The following ALAS1 variants were observed in gnomAD, a reference collection of about 807,000 sequenced individuals.
ALAS1 encodes the protein 5'-aminolevulinate synthase 1.
Under a neutral mutation model 59.6 loss-of-function variants are expected in ALAS1, and 29 were observed. The ratio of observed to expected loss-of-function variants is 0.49; its 90% CI spans 0.36 to 0.66. The LOEUF (loss-of-function observed/expected upper bound fraction) is 0.66, where lower values mean the gene tolerates loss of function less well. ALAS1 is among the 30% of genes least tolerant of loss of function. The pLI, the probability that ALAS1 is intolerant of heterozygous loss-of-function variation, is 0.00. For missense variants in ALAS1, 690 were observed against 807.5 expected (o/e 0.85, Z 1.76); for synonymous variants, 299 against 296.6 (o/e 1.01, Z -0.08).
intron 8 of ALAS1, among the ~76,000 whole-genome samples, chr3:52,207,694 C>G (rs746246831): frequency 1.3e-5 from 2 of 152,086 alleles, no homozygotes; most frequent in African/African-American, 4.8e-5. Flanking sequence ...TCCATGTGTT[C>G]TCAGTGTTTA....
At chr3:52,201,722 C>T (rs1699189329) in intron 3 of ALAS1, among the ~76,000 whole-genome samples, 1 of 152,154 alleles carries the variant, frequency 6.6e-6, no homozygotes, top group Admixed American at 6.5e-5. Context: ...GCACCATGCA[C>T]TCTAGCCTGG....
intron 3 of ALAS1, among the ~76,000 whole-genome samples, chr3:52,200,479 T>A (rs1699165311): frequency 6.6e-6 from 1 of 152,262 alleles, no homozygotes; most frequent in Admixed American, 6.5e-5. Flanking sequence ...GGCTCACTCC[T>A]GTAATCCCAG....
At chr3:52,198,108 A>C, upstream of ALAS1, 1 of 397,824 alleles carries the variant, frequency 2.5e-6, no homozygotes, top group Middle Eastern at 6.3e-4. Context: ...CCCAAGGCGC[A>C]TGCGCAGCGG....
At chr3:52,201,348 A>G (rs1699182524) in intron 3 of ALAS1, among the ~76,000 whole-genome samples, 1 of 152,202 alleles carries the variant, frequency 6.6e-6, no homozygotes, top group South Asian at 2.1e-4. Flanking sequence ...TTCTTACTTT[A>G]TTAGCAATCT....
At chr3:52,199,089 A>T in intron 2 of ALAS1, 121 bp from the exon 3 acceptor site, 1 of 1,085,156 alleles carries the variant, frequency 9.2e-7, no homozygotes, top group Non-Finnish European at 1.3e-6. Context: ...GGCATTTTTG[A>T]GGGAGAAGTG....
At chr3:52,208,046 CA>C in intron 8 of ALAS1, 36 bp from the exon 9 acceptor site, 1 of 1,479,252 alleles carries the variant, frequency 6.8e-7, no homozygotes, top group Non-Finnish European at 9.0e-7. Context: ...TCTGAAGCGG[CA>C]AAAGCTCTTC....
intron 11 of ALAS1, 42 bp from the exon 12 acceptor site, chr3:52,213,978 G>T (rs1050887202): frequency 1.9e-6 from 3 of 1,551,582 alleles, no homozygotes; most frequent in Non-Finnish European, 2.7e-6. Flanking sequence ...TTTCTCTTGT[G>T]TATATTACTC....
intron 9 of ALAS1, among the ~76,000 whole-genome samples, 161 bp from the exon 10 acceptor site, chr3:52,211,122 G>A (rs1204690999): frequency 1.3e-5 from 2 of 152,196 alleles, no homozygotes; most frequent in African/African-American, 4.8e-5. Context: ...GTCATTGACT[G>A]AGACATCATT....
intron 11 of ALAS1, 48 bp from the exon 12 acceptor site, chr3:52,213,972 T>G: frequency 6.5e-7 from 1 of 1,532,890 alleles, no homozygotes; most frequent in East Asian, 2.3e-5. Context: ...TTTTCATTTC[T>G]CTTGTGTATA....
At chr3:52,204,946 G>A in intron 6 of ALAS1, 31 bp downstream of exon 6, 2 of 1,569,464 alleles carry the variant, frequency 1.3e-6, no homozygotes, top group Non-Finnish European at 1.8e-6. Flanking sequence ...AAATATTACT[G>A]TTGTTATTTG....
At chr3:52,204,994 TG>T in intron 6 of ALAS1, 79 bp downstream of exon 6, 1 of 1,231,120 alleles carries the variant, frequency 8.1e-7, no homozygotes, top group Non-Finnish European at 1.2e-6. Flanking sequence ...GGATCTTTTA[TG>T]GAGGGAACAT....
At chr3:52,198,104 G>A (rs999571270), upstream of ALAS1, 1 of 397,896 alleles carries the variant, frequency 2.5e-6, no homozygotes, top group Non-Finnish European at 4.4e-6. Context: ...AGCGCCCAAG[G>A]CGCATGCGCA....
chr3:52,201,952 C>T (rs966145868), intron 3 of ALAS1, among the ~76,000 whole-genome samples: 4 of 152,084 alleles, frequency 2.6e-5, no homozygotes, highest in African/African-American at 9.7e-5. Context: ...ACGAGAAATA[C>T]TGTGGGTTTA....
Position 52,199,350 on chromosome 3 carries a change from A to G in ALAS1, c.109A>G (p.Met37Val), listed in dbSNP as rs749512727. Residue 37 changes from methionine (M) to valine (V), a missense_variant, in exon 3 of 12, where the codon ATG (methionine) becomes GTG (valine). Physicochemically the swap from Met to Val is conservative, Grantham distance 21 (BLOSUM62 1). Coordinates refer to ENST00000484952, the MANE Select transcript of ALAS1 (RefSeq NM_000688.6). Reference protein sequence around the residue: ...LFYAQNCPKMMEVGAKPAPRA... With the variant: ...LFYAQNCPKMVEVGAKPAPRA... ...CTATGCCCAAAACTGCCCCAAGATG[A>G]TGGAAGTTGGGGCCAAGCCAGCCCC... The G allele has an allele frequency of 2.5e-6, 4 of 1,614,050 alleles. No homozygotes were observed. The highest frequency in any genetic ancestry group is 3.4e-6 in the Non-Finnish European group (4 of 1,180,028).
Position 52,208,149 on chromosome 3 carries a change from A to C in ALAS1, c.1232A>C (p.Asp411Ala). 1 of 1,612,446 alleles carries C rather than the reference A, an allele frequency of 6.2e-7. No homozygotes were observed. Among genetic ancestry groups the C allele is most frequent in the Non-Finnish European group, 8.5e-7 (1 of 1,179,090 alleles). The change falls in exon 9 of 12, where the codon GAT becomes GCT. Residue 411 changes from aspartate (D) to alanine (A), a missense_variant. Asp to Ala is a moderately radical substitution (Grantham distance 126). Coordinates refer to ENST00000484952, the MANE Select transcript of ALAS1 (RefSeq NM_000688.6). The part of the protein sequence containing the change: ...AHEFGAITFV[D>A]EVHAVGLYGA... Reference sequence around the variant, plus strand: ...GAGTTTGGAGCAATCACCTTCGTGGATGAGGTCCACGCAGTGGGGCTTTAT... The same window carrying C: ...GAGTTTGGAGCAATCACCTTCGTGGCTGAGGTCCACGCAGTGGGGCTTTAT...
rs768548856 is a variant in ALAS1 at position 52,212,365 on chromosome 3, C to T, written c.1707C>T (p.Leu569=). ...NYPTVPRGEE[L]LRIAPTPHHT... is the part of the protein sequence containing the mutation. ...CTACGGTGCCCCGGGGAGAAGAGCT[C>T]CTACGGATTGCCCCCACCCCTCACC... is the stretch of plus-strand genomic sequence containing the variant. The change falls in exon 11 of 12, where the codon CTC becomes CTT. Residue 569 remains leucine, a synonymous_variant. Transcript: ENST00000484952. The T allele has an allele frequency of 2.5e-6, 4 of 1,614,018 alleles. No homozygotes were observed. Among genetic ancestry groups the T allele is most frequent in the Non-Finnish European group, 3.4e-6 (4 of 1,180,046 alleles).
rs202007599 is a variant in ALAS1 at position 52,199,374 on chromosome 3, C to A, written c.133C>A (p.Pro45Thr). ...GATGGAAGTTGGGGCCAAGCCAGCC[C>A]CTCGGGCATTGTCCACTGCAGCAGT... ...KMMEVGAKPA[P>T]RALSTAAVHY... is the part of the protein sequence containing the mutation. The change falls in exon 3 of 12, where the codon CCT (proline) becomes ACT (threonine). Residue 45 changes from proline (P) to threonine (T), a missense_variant. By Grantham distance (38) the Pro-to-Thr change is conservative. Transcript: ENST00000484952. 177 of 1,614,196 alleles carry A rather than the reference C, an allele frequency of 1.1e-4. No individual in the cohort carries two copies. Among genetic ancestry groups the A allele is most frequent in the Middle Eastern group, 6.6e-4 (4 of 6,062 alleles).
chr3:52,212,711 A>G (rs1699437541), intron 11 of ALAS1, among the ~76,000 whole-genome samples: 1 of 151,908 alleles, frequency 6.6e-6, no homozygotes, highest in South Asian at 2.1e-4. Context: ...TTGTATTTTT[A>G]GTAGAGATGG....
intron 9 of ALAS1, among the ~76,000 whole-genome samples, chr3:52,210,929 G>A (rs570742547): frequency 5.9e-5 from 9 of 152,116 alleles, no homozygotes; most frequent in East Asian, 1.9e-4. Flanking sequence ...ATAGCCTACC[G>A]CACACCTAGG....
Sources: allele counts gnomAD v4.1 joint callset (sites outside exome capture counted in the v4.1 genomes callset), GRCh38; gene constraint gnomAD v4.1.1; transcripts MANE v1.5; gene names NCBI Gene and HGNC (gene_info 2026-07-23, HGNC 2026-07-21).